EYA4: variants seen among roughly 807,000 people sequenced by gnomAD.
EYA4 encodes EYA transcriptional coactivator and phosphatase 4, also known as protein phosphatase EYA4.
Under a neutral mutation model 87.9 loss-of-function variants are expected in EYA4, and 31 were observed. That is an observed-to-expected ratio of 0.35 (90% CI 0.27 to 0.48). EYA4 has a LOEUF of 0.48. Among genes scored for constraint, EYA4 ranks in the 20% least tolerant of loss-of-function variants. EYA4 has a pLI of 0.99. For synonymous variants in EYA4, 263 were observed against 270.6 expected (o/e 0.97, Z 0.28); for missense variants, 678 against 761.4 (o/e 0.89, Z 1.29).
chr6:133,243,204 T>A (rs1292361729), intron 1 of EYA4, among the ~76,000 whole-genome samples: 4 of 152,110 alleles, frequency 2.6e-5, no homozygotes, highest in Non-Finnish European at 4.4e-5. Flanking sequence ...TTCCTGGCTG[T>A]CATTACAGAC....
At chr6:133,424,333 C>G (rs1790463614) in intron 3 of EYA4, among the ~76,000 whole-genome samples, 1 of 152,168 alleles carries the variant, frequency 6.6e-6, no homozygotes, top group Non-Finnish European at 1.5e-5. Context: ...TCCCAGCCCC[C>G]AGCCTTCAGG....
At position 133,531,228 on chromosome 6, in the gene EYA4, AC is replaced by A; in HGVS notation, c.*2425del. ...GTTCAGAAGAGGCTGCCGGCATAAA[AC>A]CTAAATGCAAGGTTGACGGAGAACA... On this transcript the variant is annotated 3_prime_UTR_variant, in exon 20 of 20. Coordinates refer to ENST00000355286, the MANE Select transcript of EYA4 (RefSeq NM_004100.5). 1 of 1,533,652 alleles carries A rather than the reference AC, an allele frequency of 6.5e-7. No homozygotes were observed. The highest frequency in any genetic ancestry group is 8.7e-7 in the Non-Finnish European group (1 of 1,145,640).
intron 3 of EYA4, among the ~76,000 whole-genome samples, chr6:133,400,846 A>C (rs768013714): frequency 2.0e-5 from 3 of 152,064 alleles, no homozygotes; most frequent in Non-Finnish European, 4.4e-5. Flanking sequence ...AATTGCCATA[A>C]ATTCTAATAA....
At chr6:133,401,952 T>C (rs779901117) in intron 3 of EYA4, among the ~76,000 whole-genome samples, 1 of 152,122 alleles carries the variant, frequency 6.6e-6, no homozygotes, top group Non-Finnish European at 1.5e-5. Context: ...GTGCCATGGG[T>C]GAACTGTACT....
chr6:133,510,472 T>A, intron 14 of EYA4: 1 of 350,782 alleles, frequency 2.9e-6, no homozygotes, highest in Non-Finnish European at 5.6e-6. Context: ...CTCCATATTC[T>A]GGGAGAAAAA....
intron 2 of EYA4, among the ~76,000 whole-genome samples, chr6:133,343,258 A>T (rs1782935451): frequency 6.6e-6 from 1 of 152,016 alleles, no homozygotes; most frequent in Non-Finnish European, 1.5e-5. Flanking sequence ...CTTGCATGTG[A>T]CTCCTCAACT....
chr6:133,473,428 A>G lies in EYA4; in HGVS notation c.970+4697A>G, dbSNP rs191693763. ...TGAGAAAGGGAAAATGGTAGGTCAT[A>G]TGGGGGATATTAACAAGTAAACTAA... On this transcript the variant is annotated intron_variant, in intron 11 of 19. Coordinates refer to ENST00000355286, the MANE Select transcript of EYA4 (RefSeq NM_004100.5). 3.3e-5 allele frequency among the ~76,000 whole-genome samples: 5 copies of G among 152,216 alleles called. No homozygotes were observed. In the South Asian group the frequency reaches 8.3e-4, roughly 25 times the overall value.
chr6:133,467,792 T>C lies in EYA4; in HGVS notation c.805-774T>C, dbSNP rs1171771351. ...ATTTTGGGCTGACACATGCTAGATA[T>C]CTTAAACACCAATTATCACAACAAA... On this transcript the variant is annotated intron_variant, in intron 10 of 19. Transcript: ENST00000355286. 2.0e-5 allele frequency among the ~76,000 whole-genome samples: 3 copies of C among 151,972 alleles called. No homozygotes were observed. In the East Asian group the frequency reaches 5.8e-4, roughly 29 times the overall value.
Position 133,382,403 on chromosome 6 carries a change from G to C in EYA4, c.45G>C (p.Thr15=). 2 of 1,609,478 alleles carry C rather than the reference G, an allele frequency of 1.2e-6. No homozygotes were observed. Among genetic ancestry groups the C allele is most frequent in the Non-Finnish European group, 1.7e-6 (2 of 1,175,886 alleles). ...CTCTTTTCTTACAGGTAAAGAAAACGTGCACAGAATCAGATGTTTCACAAT... is the reference window on the plus strand; with the variant it reads ...CTCTTTTCTTACAGGTAAAGAAAACCTGCACAGAATCAGATGTTTCACAAT... ...QDLNEQSVKK[T]CTESDVSQSQ... The change falls in exon 3 of 20, where the codon ACG becomes ACC. Residue 15 remains threonine, a synonymous_variant. Transcript: ENST00000355286.
In EYA4 at chr6:133,525,269, A is replaced by G; in HGVS notation, c.1839+15A>G. The G allele has an allele frequency of 6.2e-7, 1 of 1,601,726 alleles. No individual in the cohort carries two copies. Among genetic ancestry groups the G allele is most frequent in the Non-Finnish European group, 8.6e-7 (1 of 1,169,020 alleles). On this transcript the variant is annotated intron_variant, in intron 19 of 19. Coordinates refer to ENST00000355286, the MANE Select transcript of EYA4 (RefSeq NM_004100.5). The stretch of plus-strand genomic sequence containing the variant: ...CAGCAAAAAAGGTAACCTGTCTCAA[A>G]CAATGTCGGTGTGATACTTCTAATG...
At chr6:133,324,628 G>A (rs555431873) in intron 2 of EYA4, among the ~76,000 whole-genome samples, 16 of 152,108 alleles carry the variant, frequency 1.1e-4, no homozygotes, top group African/African-American at 3.4e-4. Flanking sequence ...TTGAGAAAGA[G>A]GATCCTTGTA....
intron 10 of EYA4, among the ~76,000 whole-genome samples, chr6:133,467,125 T>A (rs779772296): frequency 6.6e-6 from 1 of 152,092 alleles, no homozygotes; most frequent in African/African-American, 2.4e-5. Context: ...CTTTGAGATA[T>A]GTTTGAATAT....
chr6:133,447,337 A>G (rs1193910984), intron 4 of EYA4, among the ~76,000 whole-genome samples: 1 of 152,204 alleles, frequency 6.6e-6, no homozygotes, highest in Non-Finnish European at 1.5e-5. Flanking sequence ...CCACAGCATG[A>G]CAACAATAAT....
At position 133,468,686 on chromosome 6, in the gene EYA4, A is replaced by G. The variant is rs556335059; in HGVS notation, c.925A>G (p.Thr309Ala). 253 of 1,613,076 alleles carry G rather than the reference A, an allele frequency of 1.6e-4. 2 individuals carry two copies. In the South Asian group the frequency reaches 2.5e-3, roughly 16 times the overall value. ...TADGTPSSTS[T>A]YQLQESLPGL... ...CGATGGCACACCCTCTTCAACCTCT[A>G]CTTATCAGTTGCAGGAATCTCTCCC... The change falls in exon 11 of 20, where the codon ACT becomes GCT. Residue 309 changes from threonine (T) to alanine (A), a missense_variant. Thr to Ala is a moderately conservative substitution (Grantham distance 58, BLOSUM62 0). Transcript: ENST00000355286.
At chr6:133,359,709 C>G (rs1236568194) in intron 2 of EYA4, among the ~76,000 whole-genome samples, 2 of 152,088 alleles carry the variant, frequency 1.3e-5, no homozygotes, top group African/African-American at 4.8e-5. Context: ...AAAAATAAAT[C>G]ATGTTTAAAT....
chr6:133,306,142 A>G (rs1281788950), intron 2 of EYA4, among the ~76,000 whole-genome samples: 1 of 152,186 alleles, frequency 6.6e-6, no homozygotes, highest in Non-Finnish European at 1.5e-5. Context: ...CAATGCATTC[A>G]TATTGCATGA....
At position 133,530,952 on chromosome 6, in the gene EYA4, TAAA is replaced by T. The variant is rs1269342624; in HGVS notation, c.*2149_*2151del. The T allele has an allele frequency of 2.4e-6, 3 of 1,224,972 alleles. No individual in the cohort carries two copies. The highest frequency in any genetic ancestry group is 3.2e-5 in the South Asian group (1 of 31,736). 75.9% of individuals were successfully genotyped at this position (1,224,972 alleles called of 1,614,324 possible). On this transcript the variant is annotated 3_prime_UTR_variant, in exon 20 of 20. Transcript: ENST00000355286. The stretch of plus-strand genomic sequence containing the variant: ...ATCAGTACTTAATTATGTTGTGCAC[TAAA>T]ACCTTAAATATTTATTACTGTGAAT...
chr6:133,528,580 C>T (rs949443666), intron 19 of EYA4, 145 bp from the exon 20 acceptor site: 8 of 770,104 alleles, frequency 1.0e-5, no homozygotes, highest in African/African-American at 3.4e-5. Flanking sequence ...ATGATCATCC[C>T]GCCTTTAAAC....
intron 11 of EYA4, among the ~76,000 whole-genome samples, chr6:133,470,151 A>G (rs1316017174): frequency 1.3e-5 from 2 of 148,468 alleles, no homozygotes; most frequent in Non-Finnish European, 3.0e-5. Context: ...TGTTTTGGAC[A>G]TGAAGTCCTT....
Sources: allele counts gnomAD v4.1 joint callset (sites outside exome capture counted in the v4.1 genomes callset), GRCh38; gene constraint gnomAD v4.1.1; transcripts MANE v1.5; gene names NCBI Gene and HGNC (gene_info 2026-07-23, HGNC 2026-07-21).